Variants in AUTS2 observed in about 807,000 individuals in gnomAD.
AUTS2 encodes the protein autism susceptibility gene 2 protein.
A neutral mutation model predicts 112.4 loss-of-function variants in AUTS2; 17 were observed. The observed-to-expected ratio is 0.15, with a 90% CI of 0.10 to 0.23. The LOEUF is 0.23. AUTS2 is among the 10% of genes least tolerant of loss of function. The probability of loss-of-function intolerance (pLI) is 1.00; values close to 1 mark genes in which losing one functional copy is unlikely to be tolerated. For synonymous variants in AUTS2, 751 were observed against 702.7 expected, an observed-to-expected ratio of 1.07 and a Z score of -1.09; for missense variants, 1,510 against 1,701.6, an observed-to-expected ratio of 0.89 and a Z score of 1.98.
rs1562889447 is a variant in AUTS2, at chr7:70,336,634, A to AT, written c.661-99118_661-99117insT. 2.0e-5 allele frequency among the ~76,000 whole-genome samples: 3 copies of AT among 152,212 alleles called. No homozygotes were observed. In the East Asian group the frequency reaches 5.8e-4, roughly 29 times the overall value. ...GATGTATACACATTCAGGATTCTTT[A>AT]ATTTTGGGTAAAAATAATTCTTCAC... is the stretch of plus-strand genomic sequence containing the variant. On this transcript the variant is annotated intron_variant, in intron 4 of 18. Coordinates refer to ENST00000342771, the MANE Select transcript of AUTS2 (RefSeq NM_015570.4).
chr7:70,512,451 A>T, intron 5 of AUTS2, among the ~76,000 whole-genome samples: 1 of 152,156 alleles, frequency 6.6e-6, no homozygotes, highest in East Asian at 1.9e-4. Flanking sequence ...GCAAGGAAGG[A>T]GGTAACGCTT....
intron 4 of AUTS2, among the ~76,000 whole-genome samples, chr7:70,300,992 C>G (rs1429111314): frequency 6.6e-6 from 1 of 152,140 alleles, no homozygotes; most frequent in East Asian, 1.9e-4. Context: ...AGGTCTTCTT[C>G]CTTCATTAAA....
At chr7:70,384,287 A>G (rs960432718) in intron 4 of AUTS2, among the ~76,000 whole-genome samples, 1 of 152,216 alleles carries the variant, frequency 6.6e-6, no homozygotes, top group Non-Finnish European at 1.5e-5. Flanking sequence ...GCCTACTCAG[A>G]CGCACTGACT....
At chr7:70,613,233 GTGTGTGTC>G (rs1211762336) in intron 5 of AUTS2, among the ~76,000 whole-genome samples, 2 of 109,504 alleles carry the variant, frequency 1.8e-5, no homozygotes, top group East Asian at 4.5e-4. Context: ...ACATATATGT[GTGTGTGTC>G]TGTGTGTGTG....
intron 4 of AUTS2, among the ~76,000 whole-genome samples, chr7:70,182,164 C>T (rs1244150853): frequency 6.6e-6 from 1 of 152,090 alleles, no homozygotes; most frequent in Non-Finnish European, 1.5e-5. Flanking sequence ...TCAAAGTCTC[C>T]CTGTTGCTTA....
chr7:69,672,001 G>T (rs781463765), intron 1 of AUTS2, among the ~76,000 whole-genome samples: 2 of 152,028 alleles, frequency 1.3e-5, no homozygotes, highest in Non-Finnish European at 2.9e-5. Flanking sequence ...TAGGTTGAGG[G>T]GGGGTCCCAT....
intron 5 of AUTS2, among the ~76,000 whole-genome samples, chr7:70,589,486 G>A (rs781351285): frequency 6.6e-6 from 1 of 152,204 alleles, no homozygotes; most frequent in African/African-American, 2.4e-5. Flanking sequence ...GGCTGAGGTG[G>A]GCAGATCACT....
chr7:70,540,105 C>A (rs997736700), intron 5 of AUTS2, among the ~76,000 whole-genome samples: 2 of 152,132 alleles, frequency 1.3e-5, no homozygotes, highest in African/African-American at 4.8e-5. Context: ...GCTCTTGGCA[C>A]CCTGCCTTCC....
chr7:70,126,085 G>A (rs1431379611), intron 3 of AUTS2, among the ~76,000 whole-genome samples: 1 of 152,126 alleles, frequency 6.6e-6, no homozygotes, highest in Non-Finnish European at 1.5e-5. Flanking sequence ...AAGAATTCCA[G>A]TGTAGCTGTA....
At chr7:70,100,772 C>T (rs1804444876) in intron 2 of AUTS2, among the ~76,000 whole-genome samples, 2 of 152,118 alleles carry the variant, frequency 1.3e-5, no homozygotes, top group Admixed American at 6.6e-5. Flanking sequence ...TAAGGAGACC[C>T]AGGAAAGAAT....
At chr7:70,605,084 A>G (rs545355728) in intron 5 of AUTS2, among the ~76,000 whole-genome samples, 34 of 152,318 alleles carry the variant, frequency 2.2e-4, no homozygotes, top group Non-Finnish European at 4.1e-4. Flanking sequence ...GATATCTTTT[A>G]AGGGTTCCTC....
intron 2 of AUTS2, among the ~76,000 whole-genome samples, chr7:69,947,875 A>G (rs1452363421): frequency 2.6e-5 from 4 of 152,196 alleles, no homozygotes; most frequent in Admixed American, 6.6e-5. Flanking sequence ...CTTATAGGTT[A>G]GGAAACTGAG....
At chr7:69,651,464 A>G (rs1455372930) in intron 1 of AUTS2, among the ~76,000 whole-genome samples, 1 of 152,218 alleles carries the variant, frequency 6.6e-6, no homozygotes, top group Non-Finnish European at 1.5e-5. Context: ...GTTCTGGGGA[A>G]TTCCCCAAAG....
chr7:70,435,828 A>G, intron 5 of AUTS2, 47 bp downstream of exon 5: 1 of 1,591,852 alleles, frequency 6.3e-7, no homozygotes, highest in Non-Finnish European at 8.6e-7. Flanking sequence ...TAACACACTG[A>G]ACACCAGAGT....
intron 16 of AUTS2, 54 bp from the exon 17 acceptor site, chr7:70,785,901 T>C: frequency 1.3e-6 from 2 of 1,565,474 alleles, no homozygotes; most frequent in Non-Finnish European, 1.8e-6. Context: ...AAGCTCTGGG[T>C]TCCTCTCCCA....
intron 5 of AUTS2, among the ~76,000 whole-genome samples, chr7:70,686,481 C>T (rs1808478916): frequency 6.6e-6 from 1 of 152,088 alleles, no homozygotes; most frequent in African/African-American, 2.4e-5. Flanking sequence ...AGACCAACTA[C>T]CTCTTAGTTG....
At chr7:69,764,239 C>T (rs955394611) in intron 1 of AUTS2, among the ~76,000 whole-genome samples, 2 of 152,122 alleles carry the variant, frequency 1.3e-5, no homozygotes, top group African/African-American at 4.8e-5. Flanking sequence ...ACAGTAATTT[C>T]CTGAAGTGCC....
Position 70,742,528 on chromosome 7 carries a change from G to C in AUTS2, c.743-20342G>C, listed in dbSNP as rs368562752. Among the ~76,000 whole-genome samples the C allele has an allele frequency of 2.7e-4, 41 of 152,102 alleles. 1 individual carries two copies. In the South Asian group the frequency reaches 7.9e-3, roughly 29 times the overall value. ...CTGTAATCTCAGCACTTTGGGAGGC[G>C]AAGGTGAGTGGATCACCTGAGGTCA... On this transcript the variant is annotated intron_variant, in intron 6 of 18. Transcript: ENST00000342771.
At chr7:70,241,107 A>G (rs1448450425) in intron 4 of AUTS2, among the ~76,000 whole-genome samples, 1 of 152,182 alleles carries the variant, frequency 6.6e-6, no homozygotes, top group Non-Finnish European at 1.5e-5. Context: ...CTAGGTCTTA[A>G]TTACAAAGCG....
Sources: gnomAD v4.1 joint callset for allele counts (sites outside exome capture counted in the v4.1 genomes callset) on GRCh38, gnomAD v4.1.1 for gene constraint, MANE v1.5 for transcripts, NCBI Gene and HGNC (gene_info 2026-07-23, HGNC 2026-07-21) for gene names.